NRIP3: variants seen among roughly 807,000 people sequenced by gnomAD.
NRIP3 encodes nuclear receptor interacting protein 3.
Under a neutral mutation model 29.0 loss-of-function variants are expected in NRIP3, and 31 were observed. That is an observed-to-expected ratio of 1.07 (90% CI 0.80 to 1.44). The LOEUF (loss-of-function observed/expected upper bound fraction) is 1.44. Ranked by LOEUF, NRIP3 falls within the 40% of genes most tolerant of loss-of-function variation. NRIP3 has a pLI of 0.00. For synonymous variants in NRIP3, 131 were observed against 118.3 expected (o/e 1.11, Z -0.70); for missense variants, 314 against 297.9 (o/e 1.05, Z -0.40).
intron 3 of NRIP3, 141 bp from the exon 4 acceptor site, chr11:8,985,991 A>T (rs1469571680): frequency 1.0e-6 from 1 of 952,696 alleles, no homozygotes; most frequent in Non-Finnish European, 1.6e-6. Context: ...GCCATCCTAC[A>T]TATGTTGTTC....
intron 1 of NRIP3, among the ~76,000 whole-genome samples, chr11:8,992,822 G>A (rs1277020730): frequency 1.3e-5 from 2 of 152,004 alleles, no homozygotes; most frequent in Non-Finnish European, 2.9e-5. Flanking sequence ...GCTGAGGCAG[G>A]AGAATCACTG....
At position 8,981,112 on chromosome 11, in the gene NRIP3, T is replaced by C. The variant is rs1207272202; in HGVS notation, c.*2433A>G. 1 of 152,136 alleles carries C rather than the reference T, an allele frequency of 6.6e-6. No individual in the cohort carries two copies. Among genetic ancestry groups the C allele is most frequent in the Non-Finnish European group, 1.5e-5 (1 of 68,026 alleles). The allele number at this position is 152,136 out of a possible 1,614,324, so 9.4% of individuals were successfully genotyped here. A position where few individuals can be genotyped will look rare whatever the true frequency, so the allele number is the denominator to read the frequency against. On this transcript the variant is annotated 3_prime_UTR_variant, in exon 7 of 7. Transcript: ENST00000309166. ...CTCAGCCCCCAAAAATTAGACCCAG[T>C]GCTCCCTCATGCACATCAAGGAGAT...
intron 1 of NRIP3, among the ~76,000 whole-genome samples, chr11:8,997,945 A>G (rs1345277261): frequency 6.6e-6 from 1 of 152,210 alleles, no homozygotes; most frequent in Non-Finnish European, 1.5e-5. Context: ...TTTATTCCCA[A>G]GAGAGAAATC....
At chr11:8,995,931 C>T (rs932136966) in intron 1 of NRIP3, among the ~76,000 whole-genome samples, 1 of 152,192 alleles carries the variant, frequency 6.6e-6, no homozygotes, top group Admixed American at 6.5e-5. Context: ...GTCCCCTCTG[C>T]CTGAAATGTT....
intron 1 of NRIP3, among the ~76,000 whole-genome samples, chr11:9,002,323 G>A (rs963134138): frequency 6.6e-6 from 1 of 152,086 alleles, no homozygotes; most frequent in African/African-American, 2.4e-5. Flanking sequence ...GCTTTAAAGT[G>A]AAAGAAGGGA....
chr11:8,998,506 C>T (rs553153576), intron 1 of NRIP3, among the ~76,000 whole-genome samples: 1 of 152,180 alleles, frequency 6.6e-6, no homozygotes, highest in Non-Finnish European at 1.5e-5. Flanking sequence ...ACAAAGCACA[C>T]TCTAGAGGCA....
At chr11:8,984,183 G>A in intron 4 of NRIP3, 59 bp from the exon 5 acceptor site, 4 of 1,123,194 alleles carry the variant, frequency 3.6e-6, no homozygotes, top group Non-Finnish European at 5.4e-6. Context: ...TTAGAAGTTG[G>A]CCTAATCACT....
At chr11:8,990,083 C>G (rs1216461220) in intron 1 of NRIP3, among the ~76,000 whole-genome samples, 1 of 152,178 alleles carries the variant, frequency 6.6e-6, no homozygotes, top group Non-Finnish European at 1.5e-5. Context: ...CATCCCTTTT[C>G]TGTATTTTCC....
At chr11:8,991,136 C>T (rs1389473357) in intron 1 of NRIP3, among the ~76,000 whole-genome samples, 1 of 152,036 alleles carries the variant, frequency 6.6e-6, no homozygotes, top group East Asian at 1.9e-4. Context: ...CCCGTCTCTA[C>T]TAAAAATACA....
chr11:8,989,111 T>A (rs935861543), intron 1 of NRIP3, among the ~76,000 whole-genome samples: 3 of 152,200 alleles, frequency 2.0e-5, no homozygotes, highest in African/African-American at 7.2e-5. Context: ...GGATGCCTAA[T>A]GTTAAGAAGC....
chr11:8,996,743 G>C (rs541310514), intron 1 of NRIP3, among the ~76,000 whole-genome samples: 2 of 152,218 alleles, frequency 1.3e-5, no homozygotes, highest in South Asian at 4.1e-4. Context: ...CTTTCCAAGG[G>C]CCGTCCTGTC....
chr11:9,002,596 T>TAAAAAAA (rs10701323), intron 1 of NRIP3, among the ~76,000 whole-genome samples: 144 of 100,966 alleles, frequency 1.4e-3, no homozygotes, highest in Admixed American at 2.2e-3. Flanking sequence ...GCTGTTAAAT[T>TAAAAAAA]AAAAAAAAAA....
rs35528175 is a variant in NRIP3, at chr11:8,985,164, A to AT, written c.562+546dup. On this transcript the variant is annotated intron_variant, in intron 4 of 6. Transcript: ENST00000309166. The stretch of plus-strand genomic sequence containing the variant: ...CTGCGCCCGGCCTCTTGCTCCTTGA[A>AT]TTTTTTTTTTTTTTTTTTTTTTTGA... Among the ~76,000 whole-genome samples, 682 of 79,316 alleles carry AT rather than the reference A, an allele frequency of 8.6e-3. 4 individuals are homozygous for AT. The highest frequency in any genetic ancestry group is 0.011 in the Non-Finnish European group (440 of 41,460). The allele number at this position is 79,316 out of a possible 152,430, so 52.0% of individuals were successfully genotyped here.
chr11:9,002,244 T>C (rs1258993861), intron 1 of NRIP3, among the ~76,000 whole-genome samples: 1 of 152,214 alleles, frequency 6.6e-6, no homozygotes, highest in African/African-American at 2.4e-5. Flanking sequence ...TTCTAGGAAC[T>C]AGGATAGGAT....
In NRIP3 at chr11:8,983,063, TGAGA is replaced by T. The variant is rs1396731486; in HGVS notation, c.*478_*481del. ...TGGGCTCTTTCACATAATCCATACT[TGAGA>T]AATCAATGAATCAATTTGAAGAAAC... On this transcript the variant is annotated 3_prime_UTR_variant, in exon 7 of 7. Transcript: ENST00000309166. 6.7e-6 allele frequency: 3 copies of T among 447,184 alleles called. No homozygotes were observed. Among genetic ancestry groups the T allele is most frequent in the Non-Finnish European group, 1.3e-5 (3 of 224,706 alleles). The allele number at this position is 447,184 out of a possible 1,614,324, so 27.7% of individuals were successfully genotyped here. A position where few individuals can be genotyped will look rare whatever the true frequency, so the allele number is the denominator to read the frequency against.
rs115771065 is a variant in NRIP3, at chr11:8,986,665, C to G, written c.423-815G>C. 3.5e-3 allele frequency among the ~76,000 whole-genome samples: 534 copies of G among 152,228 alleles called. 6 individuals are homozygous for G. The highest frequency in any genetic ancestry group is 0.012 in the African/African-American group (482 of 41,540). ...GGCAGTCTGCTGCCTAATTATGCAC[C>G]AGGACATTGTTAGTCTTTCTGGAAC... On this transcript the variant is annotated intron_variant, in intron 3 of 6. Transcript: ENST00000309166.
At chr11:8,992,719 G>T (rs1404020012) in intron 1 of NRIP3, among the ~76,000 whole-genome samples, 1 of 151,910 alleles carries the variant, frequency 6.6e-6, no homozygotes, top group African/African-American at 2.4e-5. Flanking sequence ...GACCAGCCTG[G>T]CCAAGCCAAC....
In NRIP3 at chr11:8,985,752, G is replaced by A; in HGVS notation, c.521C>T (p.Thr174Ile). The A allele has an allele frequency of 1.2e-6, 2 of 1,614,174 alleles. No individual in the cohort carries two copies. Among genetic ancestry groups the A allele is most frequent in the Non-Finnish European group, 1.7e-6 (2 of 1,180,018 alleles). Residue 174 changes from threonine to isoleucine, a missense_variant, in exon 4 of 7, where the codon ACA becomes ATA. By Grantham distance (89) the Thr-to-Ile change is moderately conservative. Transcript: ENST00000309166. ...GCAGTCCAGGCGGAGGGAGCCCAGT[G>A]TGATCACTAGGTGCTCAATCTGGCC... Reference protein sequence around the residue: ...VVGQIEHLVITLGSLRLDCPA... With the variant: ...VVGQIEHLVIILGSLRLDCPA...
intron 1 of NRIP3, among the ~76,000 whole-genome samples, chr11:8,993,483 G>T (rs1854645044): frequency 6.6e-6 from 1 of 152,036 alleles, no homozygotes; most frequent in Non-Finnish European, 1.5e-5. Context: ...ATGATGGGAA[G>T]GTGTAAGAGA....
Sources: allele counts gnomAD v4.1 joint callset (sites outside exome capture counted in the v4.1 genomes callset), GRCh38; gene constraint gnomAD v4.1.1; transcripts MANE v1.5; gene names NCBI Gene and HGNC (gene_info 2026-07-23, HGNC 2026-07-21).